Variants in TRPM1 observed in about 807,000 individuals in gnomAD.
The protein encoded by TRPM1 is TRPM1-203 APA Isoform, Intron 10.
A neutral mutation model predicts 149.4 loss-of-function variants in TRPM1; 113 were observed. The observed-to-expected ratio is 0.76, with a 90% CI of 0.65 to 0.88. The LOEUF (loss-of-function observed/expected upper bound fraction) is 0.88. TRPM1 is among the 40% of genes least tolerant of loss of function. TRPM1 has a pLI of 0.00. For synonymous variants in TRPM1, 741 were observed against 759.5 expected (o/e 0.98, Z 0.40); for missense variants, 1,976 against 2,038.7 (o/e 0.97, Z 0.59).
chr15:31,120,725 C>CA (rs35006473), intron 1 of TRPM1, among the ~76,000 whole-genome samples: 75,497 of 143,526 alleles, frequency 0.53, 19,523 homozygotes, highest in East Asian at 0.76. Flanking sequence ...GGAATTAGAC[C>CA]AAAAAAAAAA....
intron 2 of TRPM1, among the ~76,000 whole-genome samples, chr15:31,079,153 C>T (rs1030550395): frequency 2.6e-5 from 4 of 152,126 alleles, no homozygotes; most frequent in Admixed American, 2.6e-4. Context: ...TATGTGTGGT[C>T]CCTGTCTATA....
At chr15:31,024,572 C>T (rs749173757) in intron 27 of TRPM1, among the ~76,000 whole-genome samples, 8 of 152,106 alleles carry the variant, frequency 5.3e-5, no homozygotes, top group Non-Finnish European at 1.0e-4. Context: ...GCACAGAGCC[C>T]CCAGAGAAAA....
chr15:31,028,321 G>T lies in TRPM1; in HGVS notation c.3293+11C>A. 1.2e-6 allele frequency: 2 copies of T among 1,614,120 alleles called. No homozygotes were observed. The highest frequency in any genetic ancestry group is 1.7e-6 in the Non-Finnish European group (2 of 1,180,006). Reference sequence around the variant, plus strand: ...AATAATAAGCATGTGGTCATCGGCTGTGACACGTACTTGAACACAGCAATC... The same window carrying T: ...AATAATAAGCATGTGGTCATCGGCTTTGACACGTACTTGAACACAGCAATC... On this transcript the variant is annotated intron_variant, in intron 25 of 27. Transcript: ENST00000256552.
chr15:31,103,319 T>C (rs547989509), upstream of TRPM1, among the ~76,000 whole-genome samples: 1 of 152,322 alleles, frequency 6.6e-6, no homozygotes, highest in East Asian at 1.9e-4. Context: ...TCTCACACAG[T>C]GGCCACAGGC....
At chr15:31,011,308 C>T (rs957287560) in intron 27 of TRPM1, among the ~76,000 whole-genome samples, 101 of 152,220 alleles carry the variant, frequency 6.6e-4, no homozygotes, top group African/African-American at 2.3e-3. Flanking sequence ...CTCTGCCATA[C>T]TGCTATTTAT....
In TRPM1 at chr15:31,106,957, T is replaced by G. The variant is rs148800575; in HGVS notation, c.55-29973A>C. The stretch of plus-strand genomic sequence containing the variant: ...AAATACGTTGTTACACTTTTAGAAT[T>G]TTGCCAATCTTATTAAGAAACGGTT... On this transcript the variant is annotated intron_variant, in intron 1 of 26. Coordinates refer to the TRPM1 transcript ENST00000542188. Among the ~76,000 whole-genome samples, 1,321 of 152,336 alleles carry G rather than the reference T, an allele frequency of 8.7e-3. 11 individuals carry two copies. Among genetic ancestry groups the G allele is most frequent in the Non-Finnish European group, 0.012 (839 of 68,032 alleles).
intron 21 of TRPM1, 184 bp from the exon 22 acceptor site, chr15:31,033,124 C>A (rs748686455): frequency 5.3e-6 from 4 of 754,882 alleles, no homozygotes; most frequent in Non-Finnish European, 8.7e-6. Flanking sequence ...CCACGGAATC[C>A]TCCCTATTCT....
chr15:31,056,321 C>T (rs997533608), intron 11 of TRPM1, among the ~76,000 whole-genome samples: 48 of 152,116 alleles, frequency 3.2e-4, no homozygotes, highest in African/African-American at 1.1e-3. Flanking sequence ...CTTTGAAAGC[C>T]AGAAGAATTA....
chr15:31,098,439 A>C (rs749593065), intron 1 of TRPM1, among the ~76,000 whole-genome samples: 4 of 152,150 alleles, frequency 2.6e-5, no homozygotes, highest in Non-Finnish European at 5.9e-5. Context: ...CACACACACA[A>C]AAATAATAAT....
chr15:31,062,471 G>T, intron 9 of TRPM1, 108 bp downstream of exon 9: 5 of 1,432,516 alleles, frequency 3.5e-6, no homozygotes, highest in Non-Finnish European at 3.9e-6. Flanking sequence ...CTCAGAAAAG[G>T]CCGGACTAAA....
At chr15:31,160,650 C>T (rs769934965) in intron 1 of TRPM1, among the ~76,000 whole-genome samples, 41 of 152,232 alleles carry the variant, frequency 2.7e-4, no homozygotes, top group African/African-American at 8.7e-4. Flanking sequence ...AGACGCCTCC[C>T]GGGTTTGCCA....
chr15:31,025,544 C>A (rs905987270), intron 27 of TRPM1, among the ~76,000 whole-genome samples: 1 of 152,184 alleles, frequency 6.6e-6, no homozygotes, highest in African/African-American at 2.4e-5. Flanking sequence ...ATTAGGCTGA[C>A]CTTGCTGGGT....
chr15:31,149,178 C>T (rs1299770341), intron 1 of TRPM1, among the ~76,000 whole-genome samples: 5 of 152,168 alleles, frequency 3.3e-5, no homozygotes, highest in African/African-American at 1.2e-4. Flanking sequence ...AAGCAAAATC[C>T]GTGAATGGCC....
At chr15:31,059,011 A>T (rs2034157834) in intron 11 of TRPM1, among the ~76,000 whole-genome samples, 1 of 152,184 alleles carries the variant, frequency 6.6e-6, no homozygotes, top group South Asian at 2.1e-4. Flanking sequence ...TGAATCCGGG[A>T]TGCAGAGGCT....
At chr15:31,050,789 C>G (rs1436712924) in intron 11 of TRPM1, among the ~76,000 whole-genome samples, 1 of 152,184 alleles carries the variant, frequency 6.6e-6, no homozygotes, top group Non-Finnish European at 1.5e-5. Flanking sequence ...CCTACATACT[C>G]AGTCGTCGCA....
At chr15:31,031,843 C>A (rs1169580182) in intron 22 of TRPM1, among the ~76,000 whole-genome samples, 1 of 152,034 alleles carries the variant, frequency 6.6e-6, no homozygotes, top group East Asian at 1.9e-4. Context: ...CTGGCCTGTT[C>A]TGGAGTATAA....
At chr15:31,087,268 G>A (rs1465552113) in intron 1 of TRPM1, among the ~76,000 whole-genome samples, 5 of 91,140 alleles carry the variant, frequency 5.5e-5, no homozygotes, top group Admixed American at 1.6e-4. Context: ...TTTTTGAGAC[G>A]GAGTCTTGCT....
At chr15:31,149,120 T>C (rs1226735721) in intron 1 of TRPM1, among the ~76,000 whole-genome samples, 1 of 152,136 alleles carries the variant, frequency 6.6e-6, no homozygotes, top group Non-Finnish European at 1.5e-5. Context: ...ATAGCCAATG[T>C]CCCAGATCTA....
In TRPM1 at chr15:31,135,883, G is replaced by A. The variant is rs574880601; in HGVS notation, c.54+25023C>T. Among the ~76,000 whole-genome samples the A allele has an allele frequency of 3.3e-5, 5 of 152,232 alleles. No individual in the cohort carries two copies. In the East Asian group the frequency reaches 9.6e-4, roughly 29 times the overall value. ...ACGCTGGCTCCATGCTTCCTATACA[G>A]CCTGCAGAACTGTGAGATTTCTTTA... On this transcript the variant is annotated intron_variant, in intron 1 of 26. Coordinates refer to the TRPM1 transcript ENST00000542188.
Sources: gnomAD v4.1 joint callset for allele counts (sites outside exome capture counted in the v4.1 genomes callset) on GRCh38, gnomAD v4.1.1 for gene constraint, MANE v1.5 for transcripts, NCBI Gene and HGNC (gene_info 2026-07-23, HGNC 2026-07-21) for gene names.